ITGA8: variants seen among roughly 807,000 people sequenced by gnomAD.
ITGA8 encodes integrin alpha-8.
A neutral mutation model predicts 142.3 loss-of-function variants in ITGA8; 91 were observed. The observed-to-expected ratio is 0.64, with a 90% CI of 0.54 to 0.76. The LOEUF (loss-of-function observed/expected upper bound fraction) is 0.76. Ranked by LOEUF, ITGA8 falls within the 30% of genes least tolerant of loss-of-function variation. ITGA8 has a pLI of 0.00. For synonymous variants in ITGA8, 505 were observed against 485.2 expected (o/e 1.04, Z -0.54); for missense variants, 1,406 against 1,327.7 (o/e 1.06, Z -0.92).
At chr10:15,656,814 A>G (rs1183974619) in intron 10 of ITGA8, among the ~76,000 whole-genome samples, 3 of 152,184 alleles carry the variant, frequency 2.0e-5, no homozygotes, top group Non-Finnish European at 4.4e-5. Flanking sequence ...GAAGTGACGT[A>G]GCTTCCATCG....
chr10:15,640,966 G>A (rs559554919), intron 13 of ITGA8, among the ~76,000 whole-genome samples: 2 of 152,324 alleles, frequency 1.3e-5, no homozygotes, highest in Admixed American at 1.3e-4. Flanking sequence ...GATGATGGGT[G>A]TGAGCCAGAT....
intron 15 of ITGA8, among the ~76,000 whole-genome samples, chr10:15,612,902 T>G (rs946629256): frequency 6.6e-6 from 1 of 152,252 alleles, no homozygotes; most frequent in African/African-American, 2.4e-5. Flanking sequence ...GGCCCACGCC[T>G]GTAATCCCAG....
At chr10:15,536,207 G>C (rs1200337218) in intron 27 of ITGA8, among the ~76,000 whole-genome samples, 1 of 152,058 alleles carries the variant, frequency 6.6e-6, no homozygotes, top group South Asian at 2.1e-4. Flanking sequence ...TAAGCAAACA[G>C]CCTGTAACAC....
At chr10:15,523,115 T>C (rs927390829) in intron 28 of ITGA8, among the ~76,000 whole-genome samples, 3 of 152,154 alleles carry the variant, frequency 2.0e-5, no homozygotes, top group African/African-American at 7.2e-5. Context: ...CAAAACATGC[T>C]AAAGGAGTTG....
intron 6 of ITGA8, among the ~76,000 whole-genome samples, chr10:15,673,164 A>G (rs542665888): frequency 1.3e-5 from 2 of 151,650 alleles, no homozygotes; most frequent in Admixed American, 6.6e-5. Context: ...GCTCACTGCA[A>G]CCTCTGTCTC....
intron 25 of ITGA8, among the ~76,000 whole-genome samples, chr10:15,564,918 G>A (rs1377046865): frequency 6.6e-6 from 1 of 152,212 alleles, no homozygotes; most frequent in Non-Finnish European, 1.5e-5. Flanking sequence ...TTTAAGACAT[G>A]AATGTTGAGG....
intron 7 of ITGA8, 35 bp from the exon 8 acceptor site, chr10:15,671,682 T>G (rs369619983): frequency 6.5e-7 from 1 of 1,537,984 alleles, no homozygotes; most frequent in African/African-American, 1.4e-5. Flanking sequence ...CTAATCACAC[T>G]TAATGACTTA....
chr10:15,635,322 A>G (rs1833755724), intron 13 of ITGA8, among the ~76,000 whole-genome samples: 1 of 152,124 alleles, frequency 6.6e-6, no homozygotes. Flanking sequence ...AATCTTTTTA[A>G]AGATAGATCC....
At chr10:15,648,727 C>A (rs2131656692) in intron 11 of ITGA8, among the ~76,000 whole-genome samples, 1 of 152,242 alleles carries the variant, frequency 6.6e-6, no homozygotes. Context: ...TCCAACATCA[C>A]TCTAACCTAC....
At chr10:15,626,421 A>T (rs1345094539) in intron 13 of ITGA8, among the ~76,000 whole-genome samples, 1 of 151,904 alleles carries the variant, frequency 6.6e-6, no homozygotes, top group Non-Finnish European at 1.5e-5. Context: ...GGGTTTCACC[A>T]TTTTGGCCAG....
At chr10:15,657,608 C>A (rs1350006731) in intron 10 of ITGA8, among the ~76,000 whole-genome samples, 4 of 144,960 alleles carry the variant, frequency 2.8e-5, no homozygotes, top group Non-Finnish European at 6.0e-5. Flanking sequence ...CTGCCTTGGC[C>A]TTCCAAACTC....
chr10:15,564,430 C>G (rs575288018), intron 25 of ITGA8, among the ~76,000 whole-genome samples: 4 of 152,276 alleles, frequency 2.6e-5, no homozygotes, highest in Admixed American at 1.3e-4. Flanking sequence ...CAGACAGTTC[C>G]CAGGACAATT....
At chr10:15,677,735 A>G in intron 5 of ITGA8, 98 bp from the exon 6 acceptor site, 1 of 1,183,428 alleles carries the variant, frequency 8.5e-7, no homozygotes, top group Non-Finnish European at 1.2e-6. Flanking sequence ...TTGCTCTAAC[A>G]ATTTGTTACA....
At chr10:15,716,659 T>C (rs1245078764) in intron 2 of ITGA8, among the ~76,000 whole-genome samples, 2 of 141,364 alleles carry the variant, frequency 1.4e-5, no homozygotes. Flanking sequence ...TTGGAAAATA[T>C]AACCTATTGT....
intron 9 of ITGA8, among the ~76,000 whole-genome samples, chr10:15,660,286 A>T (rs548753956): frequency 6.6e-6 from 1 of 152,106 alleles, no homozygotes; most frequent in South Asian, 2.1e-4. Context: ...CATGTCCTGA[A>T]ATTTTTAATA....
At chr10:15,716,208 C>T (rs1200016640) in intron 2 of ITGA8, among the ~76,000 whole-genome samples, 1 of 152,178 alleles carries the variant, frequency 6.6e-6, no homozygotes, top group African/African-American at 2.4e-5. Context: ...GATTTTTCTT[C>T]CCCTTTCTTT....
chr10:15,701,076 C>T (rs904657372), intron 2 of ITGA8, among the ~76,000 whole-genome samples: 4 of 152,120 alleles, frequency 2.6e-5, no homozygotes, highest in African/African-American at 9.7e-5. Context: ...AATGAATAAC[C>T]AAGTTCCCAT....
chr10:15,704,426 A>G (rs1835220646), intron 2 of ITGA8, among the ~76,000 whole-genome samples: 1 of 152,180 alleles, frequency 6.6e-6, no homozygotes, highest in African/African-American at 2.4e-5. Flanking sequence ...CTCAAATCTC[A>G]ACTTTTCTCA....
At position 15,548,509 on chromosome 10, in the gene ITGA8, T is replaced by A. The variant is rs1280716520; in HGVS notation, c.2826A>T (p.Gly942=). The change falls in exon 27 of 30, where the codon GGA becomes GGT. Residue 942 remains glycine (G), a synonymous_variant. Transcript: ENST00000378076. ...ACCTGACTTTCAGGACTGCGCTTTC[T>A]CCTCCTTCGAGTCGTCCCACTGCAC... is the stretch of plus-strand genomic sequence containing the variant. ...ISCAVGRLEG[G]ESAVLKVRSR... is the part of the protein sequence containing the mutation. The A allele has an allele frequency of 6.2e-7, 1 of 1,601,098 alleles. No individual in the cohort carries two copies. The highest frequency in any genetic ancestry group is 1.8e-5 in the Admixed American group (1 of 55,724).
Sources: gnomAD v4.1 joint callset for allele counts (sites outside exome capture counted in the v4.1 genomes callset) on GRCh38, gnomAD v4.1.1 for gene constraint, MANE v1.5 for transcripts, NCBI Gene and HGNC (gene_info 2026-07-23, HGNC 2026-07-21) for gene names.